C10orf67: variants seen among roughly 807,000 people sequenced by gnomAD.
The protein encoded by C10orf67 is uncharacterized protein C10orf67, mitochondrial.
In C10orf67, 60 loss-of-function variants were observed where a neutral mutation model predicts 35.6. The ratio of observed to expected loss-of-function variants is 1.68; its 90% CI spans 1.37 to 2.09. The LOEUF (loss-of-function observed/expected upper bound fraction) is 2.09, where lower values mean the gene tolerates loss of function less well. Ranked by LOEUF, C10orf67 falls within the 30% of genes most tolerant of loss-of-function variation. The probability of loss-of-function intolerance (pLI) is 0.00; values close to 1 mark genes in which losing one functional copy is unlikely to be tolerated. For missense variants in C10orf67, 474 were observed against 330.2 expected, an observed-to-expected ratio of 1.44 and a Z score of -3.38; for synonymous variants, 167 against 115.8, an observed-to-expected ratio of 1.44 and a Z score of -2.84.
intron 13 of C10orf67, among the ~76,000 whole-genome samples, chr10:23,236,253 GAAAAAAAAA>G (rs368833212): frequency 0.22 from 16,663 of 75,746 alleles, 1,622 homozygotes; most frequent in Admixed American, 0.33. Context: ...CCTCTCGGGG[GAAAAAAAAA>G]AAAAAAAAAA....
At chr10:23,342,155 C>A (rs1348988676) in intron 1 of C10orf67, among the ~76,000 whole-genome samples, 2 of 151,684 alleles carry the variant, frequency 1.3e-5, no homozygotes, top group African/African-American at 2.4e-5. Flanking sequence ...CAGAGTGAGA[C>A]CCTGACTCTA....
rs148459485 is a variant in C10orf67 at position 23,217,257 on chromosome 10, A to G, written c.1570+6341T>C. The stretch of plus-strand genomic sequence containing the variant: ...TTTGTAGAAGCCACACTTCATAAAT[A>G]CTACTTTTCTGATCTCGGTTTATTC... On this transcript the variant is annotated intron_variant, in intron 15 of 15. Transcript: ENST00000636213. Among the ~76,000 whole-genome samples the G allele has an allele frequency of 2.0e-3, 310 of 152,320 alleles. 3 individuals carry two copies. Among genetic ancestry groups the G allele is most frequent in the African/African-American group, 5.9e-3 (247 of 41,578 alleles).
chr10:23,343,537 G>A (rs902024910), intron 1 of C10orf67, among the ~76,000 whole-genome samples: 1 of 152,158 alleles, frequency 6.6e-6, no homozygotes, highest in Non-Finnish European at 1.5e-5. Context: ...CTGTGTCCTA[G>A]ATTAGCTCAT....
intron 4 of C10orf67, among the ~76,000 whole-genome samples, chr10:23,313,766 A>G (rs1037544312): frequency 6.6e-6 from 1 of 152,180 alleles, no homozygotes; most frequent in African/African-American, 2.4e-5. Flanking sequence ...AAACAGATAA[A>G]AGTGAAGACA....
At chr10:23,282,122 G>A in intron 7 of C10orf67, 44 bp from the exon 8 acceptor site, 2 of 474,004 alleles carry the variant, frequency 4.2e-6, no homozygotes. Context: ...GATAAGAACA[G>A]AACACCTAAA....
chr10:23,262,462 A>G (rs1294579742), intron 10 of C10orf67, among the ~76,000 whole-genome samples: 2 of 152,168 alleles, frequency 1.3e-5, no homozygotes, highest in African/African-American at 4.8e-5. Context: ...AGGACCTCAC[A>G]TCTGTCCCAA....
At chr10:23,224,588 G>A (rs1445681969) in intron 13 of C10orf67, among the ~76,000 whole-genome samples, 1 of 152,162 alleles carries the variant, frequency 6.6e-6, no homozygotes, top group Admixed American at 6.5e-5. Context: ...CCGAGCTAAA[G>A]GAGGAAGTTA....
At chr10:23,344,375 G>T in intron 1 of C10orf67, 194 bp downstream of exon 1, 1 of 610,878 alleles carries the variant, frequency 1.6e-6, no homozygotes, top group Non-Finnish European at 2.9e-6. Flanking sequence ...GAGGCGGGGC[G>T]GGCTCCCAAG....
At chr10:23,211,319 C>G (rs539920527) in intron 15 of C10orf67, among the ~76,000 whole-genome samples, 2 of 152,190 alleles carry the variant, frequency 1.3e-5, no homozygotes, top group Non-Finnish European at 1.5e-5. Context: ...GGACGTGTTC[C>G]TCTTATGACA....
chr10:23,306,195 G>T (rs931798317), intron 4 of C10orf67, among the ~76,000 whole-genome samples: 1 of 152,084 alleles, frequency 6.6e-6, no homozygotes, highest in Admixed American at 6.6e-5. Context: ...TTAATATGTA[G>T]AATCCAAAAA....
chr10:23,225,543 C>T (rs1480529107), intron 13 of C10orf67, among the ~76,000 whole-genome samples: 2 of 152,100 alleles, frequency 1.3e-5, no homozygotes, highest in South Asian at 2.1e-4. Flanking sequence ...TGTAAATGGG[C>T]TAAATGCTCC....
At chr10:23,309,413 AG>A (rs1388873378) in intron 4 of C10orf67, among the ~76,000 whole-genome samples, 2 of 152,208 alleles carry the variant, frequency 1.3e-5, no homozygotes, top group Non-Finnish European at 2.9e-5. Context: ...CAGGGAGACT[AG>A]GGTTGAAATA....
At chr10:23,325,200 G>A (rs1168295996) in intron 2 of C10orf67, among the ~76,000 whole-genome samples, 1 of 152,060 alleles carries the variant, frequency 6.6e-6, no homozygotes, top group African/African-American at 2.4e-5. Flanking sequence ...AGCCAGGCGT[G>A]GTGGTGTGTA....
intron 8 of C10orf67, among the ~76,000 whole-genome samples, chr10:23,277,061 A>C (rs1335698897): frequency 2.6e-5 from 4 of 152,132 alleles, no homozygotes; most frequent in African/African-American, 9.7e-5. Context: ...AAGGTGCCCC[A>C]AACCTTAGGG....
intron 13 of C10orf67, among the ~76,000 whole-genome samples, chr10:23,234,610 T>C (rs1054297977): frequency 1.3e-5 from 2 of 151,922 alleles, no homozygotes; most frequent in Admixed American, 6.6e-5. Context: ...AAATAATCTG[T>C]ACAACAAACC....
chr10:23,286,399 AGAAGG>A lies in C10orf67; in HGVS notation c.909+3496_909+3500del, dbSNP rs1468541601. On this transcript the variant is annotated intron_variant, in intron 7 of 15. Transcript: ENST00000636213. ...TAGGGACAGAGTGAGACTGAGACAT[AGAAGG>A]GAAGGGGAGGGGAGGGGAGGGGAGG... 5.1e-5 allele frequency among the ~76,000 whole-genome samples: 4 copies of A among 77,950 alleles called. No individual in the cohort carries two copies. The Admixed American group carries it at 6.2e-4, about 12-fold the overall frequency. The allele number at this position is 77,950 out of a possible 152,430, so 51.1% of individuals were successfully genotyped here.
chr10:23,237,009 C>T (rs1047993849), intron 13 of C10orf67, among the ~76,000 whole-genome samples: 8 of 152,212 alleles, frequency 5.3e-5, no homozygotes, highest in East Asian at 3.9e-4. Flanking sequence ...GCATAGTATC[C>T]GACAGGTAGT....
At chr10:23,307,965 T>C (rs1003405563) in intron 4 of C10orf67, among the ~76,000 whole-genome samples, 1 of 152,162 alleles carries the variant, frequency 6.6e-6, no homozygotes, top group Admixed American at 6.5e-5. Flanking sequence ...ATCTAGTCTT[T>C]ACATCTATTC....
intron 10 of C10orf67, among the ~76,000 whole-genome samples, chr10:23,253,384 C>T (rs768223379): frequency 6.6e-6 from 1 of 152,260 alleles, no homozygotes; most frequent in Non-Finnish European, 1.5e-5. Context: ...GCACAATCCA[C>T]GTGAACCACC....
Sources: gnomAD v4.1 joint callset for allele counts (sites outside exome capture counted in the v4.1 genomes callset) on GRCh38, gnomAD v4.1.1 for gene constraint, MANE v1.5 for transcripts, NCBI Gene and HGNC (gene_info 2026-07-23, HGNC 2026-07-21) for gene names.